PDE4C: variants seen among roughly 807,000 people sequenced by gnomAD.
PDE4C encodes the protein phosphodiesterase 4C, also known as 3',5'-cyclic-AMP phosphodiesterase 4C.
PDE4C carries 50 observed loss-of-function variants against 63.9 expected under a neutral mutation model. That is an observed-to-expected ratio of 0.78 (90% confidence interval 0.62 to 0.99). The LOEUF (loss-of-function observed/expected upper bound fraction) is 0.99. Among genes scored for constraint, PDE4C ranks in the 50% least tolerant of loss-of-function variants. The probability of loss-of-function intolerance (pLI) is 0.00; values close to 1 mark genes in which losing one functional copy is unlikely to be tolerated. For missense variants in PDE4C, 777 were observed against 899.1 expected (o/e 0.86, Z 1.74); for synonymous variants, 377 against 385.1 (o/e 0.98, Z 0.25).
intron 1 of PDE4C, among the ~76,000 whole-genome samples, chr19:18,240,160 T>C (rs924089850): frequency 1.7e-4 from 26 of 151,426 alleles, no homozygotes; most frequent in African/African-American, 6.1e-4. Flanking sequence ...ATAAAAAAGC[T>C]GGGAAACTGC....
chr19:18,242,475 CAAAAAAAAAAAA>C (rs748870873), intron 1 of PDE4C, among the ~76,000 whole-genome samples: 1 of 29,806 alleles, frequency 3.4e-5, no homozygotes, highest in African/African-American at 1.4e-4. Flanking sequence ...GACTCCATCT[CAAAAAAAAAAAA>C]AAAAAAAAAA....
chr19:18,241,975 A>T (rs1969049350), intron 1 of PDE4C, among the ~76,000 whole-genome samples: 1 of 152,210 alleles, frequency 6.6e-6, no homozygotes, highest in Admixed American at 6.5e-5. Flanking sequence ...TTAGGAAGAA[A>T]AGAAAACTGG....
the PDE4C span, among the ~76,000 whole-genome samples, chr19:18,254,723 G>A: frequency 6.6e-6 from 1 of 152,128 alleles, no homozygotes; most frequent in Non-Finnish European, 1.5e-5. Context: ...GGCAGAAAAA[G>A]GGAATGCGAG....
the PDE4C span, chr19:18,255,089 C>T: frequency 1.0e-5 from 4 of 393,650 alleles, no homozygotes; most frequent in Non-Finnish European, 1.8e-5. The surrounding 1 kb of genome is among the most constrained non-coding windows in gnomAD (Gnocchi z 4.6). Flanking sequence ...AAAACCCAGC[C>T]TTCCTCGGAG....
rs757669215 is a variant in PDE4C at position 18,220,420 on chromosome 19, C to A, written c.595G>T (p.Glu199Ter). Residue 199 changes from glutamate (E) to a stop codon, truncating the protein, a stop_gained, in exon 6 of 15, where the codon GAG (glutamate) becomes TAG (stop). Coordinates refer to ENST00000262805, the Ensembl canonical transcript of PDE4C. LOFTEE classifies it high-confidence loss of function. This position sits in a 1 kb window ranked among gnomAD's most constrained non-coding sequence, Gnocchi z 5.1. Reference sequence around the variant, plus strand: ...CACCTCACCTTGTTGGAGGCCATCTCCCCCACCGAGTGCCGGGTCTGCAGC... The same window carrying A: ...CACCTCACCTTGTTGGAGGCCATCTACCCCACCGAGTGCCGGGTCTGCAGC... 3 of 1,614,122 alleles carry A rather than the reference C, an allele frequency of 1.9e-6. No homozygotes were observed. Among genetic ancestry groups the A allele is most frequent in the Non-Finnish European group, 2.5e-6 (3 of 1,179,958 alleles).
chr19:18,223,643 C>G (rs948905700), intron 1 of PDE4C, among the ~76,000 whole-genome samples: 17 of 152,230 alleles, frequency 1.1e-4, no homozygotes, highest in African/African-American at 3.9e-4. Context: ...CGCACCCGGC[C>G]TCTCCTGTTT....
intron 11 of PDE4C, 128 bp downstream of exon 11, chr19:18,218,021 T>G: frequency 1.4e-6 from 1 of 721,274 alleles, no homozygotes. Context: ...GAGGGAAAAC[T>G]GTCATAGTCA....
At chr19:18,244,487 TTTG>T (rs574256873) in intron 1 of PDE4C, among the ~76,000 whole-genome samples, 23 of 151,166 alleles carry the variant, frequency 1.5e-4, no homozygotes, top group East Asian at 7.8e-4. Context: ...GTTGTTGGGT[TTTG>T]TTGTTGTTGT....
At position 18,213,317 on chromosome 19, in the gene PDE4C, A is replaced by T. The variant is rs1317075966; in HGVS notation, c.1512+51T>A. 3 of 1,495,118 alleles carry T rather than the reference A, an allele frequency of 2.0e-6. No individual in the cohort carries two copies. The African/African-American group carries it at 4.3e-5, about 21-fold the overall frequency. 92.6% of individuals were successfully genotyped at this position (1,495,118 alleles called of 1,614,324 possible). On this transcript the variant is annotated intron_variant, in intron 13 of 14. Transcript: ENST00000262805. The stretch of plus-strand genomic sequence containing the variant: ...AATAAATACATAAATAAATAAATAA[A>T]GTAAAACCAAAATTTAAAAAGGAAG...
upstream of PDE4C, chr19:18,249,956 A>G: frequency 2.5e-6 from 1 of 395,562 alleles, no homozygotes; most frequent in Non-Finnish European, 4.5e-6. Flanking sequence ...CTGTGACCCC[A>G]GCACAGAGCC....
chr19:18,251,865 C>T (rs1240070058), upstream of PDE4C, among the ~76,000 whole-genome samples: 1 of 151,934 alleles, frequency 6.6e-6, no homozygotes, highest in East Asian at 1.9e-4. Context: ...CTTTGCCCAT[C>T]GCTGCGTGCC....
At chr19:18,229,279 C>T (rs916387404), upstream of PDE4C, among the ~76,000 whole-genome samples, 33 of 149,922 alleles carry the variant, frequency 2.2e-4, no homozygotes, top group African/African-American at 7.1e-4. Context: ...TTCACTCTGT[C>T]GCCCAGGGTG....
upstream of PDE4C, among the ~76,000 whole-genome samples, chr19:18,248,503 A>G (rs1294764335): frequency 2.0e-5 from 3 of 151,478 alleles, no homozygotes; most frequent in Admixed American, 6.6e-5. Flanking sequence ...GCTGGGTGAG[A>G]GGTGTTAAGA....
At chr19:18,252,592 C>T (rs1969243408), upstream of PDE4C, 1 of 313,510 alleles carries the variant, frequency 3.2e-6, no homozygotes, top group Admixed American at 5.0e-5. Context: ...TAGCGAGACC[C>T]TCTCTCTCTC....
intron 2 of PDE4C, 71 bp from the exon 3 acceptor site, chr19:18,221,368 C>T (rs1600081358): frequency 6.9e-7 from 1 of 1,450,008 alleles, no homozygotes. Flanking sequence ...CATATGCCCT[C>T]AACTGAGGGG....
At position 18,224,714 on chromosome 19, in the gene PDE4C, C is replaced by T. The variant is rs151307054; in HGVS notation, c.146+1556G>A. 6.8e-3 allele frequency among the ~76,000 whole-genome samples: 1,031 copies of T among 152,358 alleles called. 6 individuals are homozygous for T. Among genetic ancestry groups the T allele is most frequent in the Middle Eastern group, 0.031 (9 of 294 alleles). ...TCGGGCATCTCCGACTAAGACCGGCCGCGCTCGGCCTGTTCCGTCCGACTC... is the reference window on the plus strand; with the variant it reads ...TCGGGCATCTCCGACTAAGACCGGCTGCGCTCGGCCTGTTCCGTCCGACTC... On this transcript the variant is annotated intron_variant, in intron 1 of 14. Coordinates refer to ENST00000262805, the Ensembl canonical transcript of PDE4C.
In PDE4C at chr19:18,216,836, C is replaced by A; in HGVS notation, c.1294G>T (p.Val432Leu). ...TCTGCCTGCAGCAGCTTGAAGCCCACAGCCAGGTGATGGTTCTCCAGCACC... is the reference window on the plus strand; with the variant it reads ...TCTGCCTGCAGCAGCTTGAAGCCCAAAGCCAGGTGATGGTTCTCCAGCACC... Residue 432 changes from valine to leucine, a missense_variant, in exon 12 of 15, where the codon GTG becomes TTG. Val to Leu is a conservative substitution (Grantham distance 32). Around this residue, in one of 3 missense-constraint regions of PDE4C, gnomAD observed 500 missense variants for 597.8 expected, o/e 0.84. Transcript: ENST00000262805. The A allele has an allele frequency of 1.2e-5, 19 of 1,614,188 alleles. No individual in the cohort carries two copies. The highest frequency in any genetic ancestry group is 1.6e-5 in the Non-Finnish European group (19 of 1,180,020).
At chr19:18,233,460 G>A (rs1392771924) in exon 1 of PDE4C, 1 of 600,378 alleles carries the variant, frequency 1.7e-6, no homozygotes, top group Non-Finnish European at 2.9e-6. Flanking sequence ...AGGGGCTGAA[G>A]AGACCCCCCC....
At chr19:18,210,984 G>C in exon 15 of PDE4C, 1 of 1,614,162 alleles carries the variant, frequency 6.2e-7, no homozygotes, top group Non-Finnish European at 8.5e-7. Flanking sequence ...GGCTTCAGGG[G>C]ACAGGAGTTC....
Sources: allele counts gnomAD v4.1 joint callset (sites outside exome capture counted in the v4.1 genomes callset), GRCh38; gene constraint gnomAD v4.1.1; regional missense constraint gnomAD v4.1.1; non-coding constraint Gnocchi (gnomAD v3.1); transcripts MANE v1.5; gene names NCBI Gene and HGNC (gene_info 2026-07-23, HGNC 2026-07-21).